ADD3: variants seen among roughly 807,000 people sequenced by gnomAD.
ADD3 encodes the protein adducin 3, also known as gamma-adducin.
ADD3 carries 25 observed loss-of-function variants against 80.2 expected under a neutral mutation model. The observed-to-expected ratio is 0.31, with a 90% CI of 0.23 to 0.44. The LOEUF (loss-of-function observed/expected upper bound fraction) is 0.44. Among genes scored for constraint, ADD3 ranks in the 20% least tolerant of loss-of-function variants. The probability of loss-of-function intolerance (pLI) is 1.00; values close to 1 mark genes in which losing one functional copy is unlikely to be tolerated. For synonymous variants in ADD3, 284 were observed against 289.6 expected (o/e 0.98, Z 0.20); for missense variants, 829 against 847.5 (o/e 0.98, Z 0.27).
intron 11 of ADD3, 46 bp downstream of exon 11, chr10:110,125,991 T>G (rs767706272): frequency 6.5e-7 from 1 of 1,549,910 alleles, no homozygotes; most frequent in East Asian, 2.3e-5. Flanking sequence ...TTAATTGCTT[T>G]ATGTTTAAAT....
intron 1 of ADD3, among the ~76,000 whole-genome samples, chr10:110,040,945 GCTCTCTCTGT>G (rs960131293): frequency 2.2e-4 from 20 of 91,032 alleles, no homozygotes; most frequent in African/African-American, 6.2e-4. Context: ...TCTCTCTCTC[GCTCTCTCTGT>G]CTCTCTCTGT....
At chr10:109,996,943 C>G (rs1485959486) in intron 1 of ADD3, among the ~76,000 whole-genome samples, 1 of 152,144 alleles carries the variant, frequency 6.6e-6, no homozygotes, top group African/African-American at 2.4e-5. Flanking sequence ...TGTTACTACT[C>G]CCAGGAAGGA....
chr10:110,002,021 G>A (rs999814060), upstream of ADD3, among the ~76,000 whole-genome samples: 36 of 152,076 alleles, frequency 2.4e-4, no homozygotes, highest in African/African-American at 6.8e-4. Context: ...GGCTGGGTGT[G>A]GTGGCTCACC....
intron 10 of ADD3, 119 bp from the exon 11 acceptor site, chr10:110,125,707 C>A: frequency 1.5e-6 from 1 of 647,168 alleles, no homozygotes; most frequent in Non-Finnish European, 2.5e-6. Flanking sequence ...TAAGATACTG[C>A]TTAGTGAAAT....
At chr10:110,015,674 G>C (rs1232392987) in intron 1 of ADD3, among the ~76,000 whole-genome samples, 2 of 140,588 alleles carry the variant, frequency 1.4e-5, no homozygotes, top group Non-Finnish European at 3.0e-5. Flanking sequence ...GCGCCTGGCA[G>C]AATGTTTGAT....
intron 1 of ADD3, among the ~76,000 whole-genome samples, chr10:110,068,577 T>C (rs1171940468): frequency 6.6e-6 from 1 of 152,184 alleles, no homozygotes; most frequent in Non-Finnish European, 1.5e-5. Flanking sequence ...AACTAATCCC[T>C]GATGGATACC....
At chr10:110,113,484 G>A (rs191095009) in intron 3 of ADD3, among the ~76,000 whole-genome samples, 49 of 152,168 alleles carry the variant, frequency 3.2e-4, no homozygotes, top group Non-Finnish European at 5.4e-4. Context: ...GGTTAGGCTG[G>A]TCTTGAACTC....
Position 110,124,101 on chromosome 10 carries a change from G to T in ADD3, c.1228G>T (p.Val410Leu). Residue 410 changes from valine (V) to leucine (L), a missense_variant, in exon 10 of 15, where the codon GTG becomes TTG. By Grantham distance (32) the Val-to-Leu change is conservative. Coordinates refer to ENST00000356080, the MANE Select transcript of ADD3 (RefSeq NM_016824.5). ...GAGTGATGTGGAAATCCCAGCAACT[G>T]TGACTGCTTTTTCCTTTGAAGACGA... Reference protein sequence around the residue: ...HKSDVEIPATVTAFSFEDDTV... With the variant: ...HKSDVEIPATLTAFSFEDDTV... 1 of 1,614,172 alleles carries T rather than the reference G, an allele frequency of 6.2e-7. No homozygotes were observed. Among genetic ancestry groups the T allele is most frequent in the Non-Finnish European group, 8.5e-7 (1 of 1,180,018 alleles).
intron 1 of ADD3, among the ~76,000 whole-genome samples, chr10:110,037,197 A>ATT (rs1182468912): frequency 2.8e-4 from 42 of 152,336 alleles, no homozygotes; most frequent in Non-Finnish European, 5.3e-4. Flanking sequence ...AGCCAGTTAA[A>ATT]CACACATCAG....
At chr10:110,032,521 A>G (rs1169958995) in intron 1 of ADD3, among the ~76,000 whole-genome samples, 1 of 152,242 alleles carries the variant, frequency 6.6e-6, no homozygotes, top group African/African-American at 2.4e-5. Flanking sequence ...TTCAGAGTGC[A>G]TAGTATTTGT....
intron 13 of ADD3, among the ~76,000 whole-genome samples, chr10:110,131,369 C>T (rs922147809): frequency 5.3e-5 from 8 of 152,146 alleles, no homozygotes; most frequent in Non-Finnish European, 1.5e-5. Context: ...CATGAGCCAC[C>T]TGAAAAATAC....
chr10:110,029,254 C>A (rs1854698706), intron 1 of ADD3, among the ~76,000 whole-genome samples: 1 of 152,080 alleles, frequency 6.6e-6, no homozygotes, highest in Non-Finnish European at 1.5e-5. Flanking sequence ...GTCTACTTTG[C>A]AAGTTTAATA....
chr10:110,001,452 G>A (rs1179139848), upstream of ADD3, among the ~76,000 whole-genome samples: 1 of 151,684 alleles, frequency 6.6e-6, no homozygotes, highest in East Asian at 1.9e-4. Flanking sequence ...ACTCAGAGAG[G>A]TTAAATATTT....
At chr10:110,127,603 G>A (rs1238199439) in intron 12 of ADD3, among the ~76,000 whole-genome samples, 3 of 152,220 alleles carry the variant, frequency 2.0e-5, no homozygotes, top group African/African-American at 4.8e-5. Flanking sequence ...GTGACAGAGC[G>A]AGACTCCGTC....
At chr10:110,013,621 A>T (rs982812476) in intron 1 of ADD3, among the ~76,000 whole-genome samples, 2 of 152,232 alleles carry the variant, frequency 1.3e-5, no homozygotes, top group Non-Finnish European at 2.9e-5. Flanking sequence ...ACGTTAAGGC[A>T]AGCAGTGGAT....
At chr10:110,030,043 G>A (rs1022895283) in intron 1 of ADD3, among the ~76,000 whole-genome samples, 1 of 152,170 alleles carries the variant, frequency 6.6e-6, no homozygotes, top group Non-Finnish European at 1.5e-5. Flanking sequence ...AGTGATGATG[G>A]CTGGGCACGG....
chr10:110,089,568 T>C (rs1267968297), intron 1 of ADD3, among the ~76,000 whole-genome samples: 1 of 152,158 alleles, frequency 6.6e-6, no homozygotes. Flanking sequence ...ATGTTCATTA[T>C]ATTTTGTAGA....
At chr10:110,082,246 A>AAAAAG (rs10690043) in intron 1 of ADD3, among the ~76,000 whole-genome samples, 1 of 151,538 alleles carries the variant, frequency 6.6e-6, no homozygotes, top group African/African-American at 2.4e-5. Flanking sequence ...CTAAAAAAAA[A>AAAAAG]CTTTGGCTGA....
intron 1 of ADD3, among the ~76,000 whole-genome samples, chr10:110,080,851 T>C (rs1377354793): frequency 6.6e-6 from 1 of 152,210 alleles, no homozygotes; most frequent in Non-Finnish European, 1.5e-5. Flanking sequence ...GAAGCTGCTT[T>C]AGAGGTGAAC....
Sources: gnomAD v4.1 joint callset for allele counts (sites outside exome capture counted in the v4.1 genomes callset) on GRCh38, gnomAD v4.1.1 for gene constraint, MANE v1.5 for transcripts, NCBI Gene and HGNC (gene_info 2026-07-23, HGNC 2026-07-21) for gene names.